The following DNAH2 variants were observed in gnomAD, a reference collection of about 807,000 sequenced individuals.
DNAH2 encodes the protein dynein axonemal heavy chain 2.
DNAH2 carries 323 observed loss-of-function variants against 523.5 expected under a neutral mutation model. The observed-to-expected ratio is 0.62, with a 90% CI of 0.56 to 0.68. The LOEUF is 0.68. Ranked by LOEUF, DNAH2 falls within the 30% of genes least tolerant of loss-of-function variation. The pLI is 0.00. For missense variants in DNAH2, 4,907 were observed against 5,701.5 expected (o/e 0.86, Z 4.49); for synonymous variants, 2,093 against 2,177.4 (o/e 0.96, Z 1.08).
rs756049766 is a variant in DNAH2, at chr17:7,780,764, G to A, written c.5985G>A (p.Pro1995=). The A allele has an allele frequency of 1.4e-5, 22 of 1,614,226 alleles. No homozygotes were observed. Among genetic ancestry groups the A allele is most frequent in the Admixed American group, 5.0e-5 (3 of 60,020 alleles). ...RYAGKKRRLQ[P]DLTDEEVLLL... ...CTGGCAAGAAGCGCCGCCTACAGCCGGATCTGACTGATGAAGAGGTAGAGC... is the reference window on the plus strand; with the variant it reads ...CTGGCAAGAAGCGCCGCCTACAGCCAGATCTGACTGATGAAGAGGTAGAGC... The change falls in exon 38 of 86, where the codon CCG becomes CCA. Residue 1995 remains proline (P), a synonymous_variant. Coordinates refer to ENST00000572933, the MANE Select transcript of DNAH2 (RefSeq NM_020877.5). This position sits in a 1 kb window ranked among gnomAD's most constrained non-coding sequence, Gnocchi z 4.4.
Position 7,777,779 on chromosome 17 carries a change from C to G in DNAH2, c.5247+145C>G, listed in dbSNP as rs2076497015. ...CCTAATCCGGTTCTTCCTTCCATCT[C>G]CTCCCCACAATCAGGAGTGGCAAGT... On this transcript the variant is annotated intron_variant, in intron 33 of 85. Transcript: ENST00000572933. 5.7e-6 allele frequency: 6 copies of G among 1,061,916 alleles called. No homozygotes were observed. The South Asian group carries it at 9.1e-5, about 16-fold the overall frequency. The allele number at this position is 1,061,916 out of a possible 1,614,324, so 65.8% of individuals were successfully genotyped here. A position where few individuals can be genotyped will look rare whatever the true frequency, so the allele number is the denominator to read the frequency against.
At chr17:7,794,126 C>G in intron 48 of DNAH2, 128 bp from the exon 49 acceptor site, 1 of 564,010 alleles carries the variant, frequency 1.8e-6, no homozygotes, top group Non-Finnish European at 3.0e-6. Flanking sequence ...TCGCTGCATC[C>G]CGGTTCCTCT....
Position 7,805,086 on chromosome 17 carries a change from G to C in DNAH2, c.9300+12G>C, listed in dbSNP as rs184137067. 6.2e-7 allele frequency: 1 copy of C among 1,611,666 alleles called. No individual in the cohort carries two copies. The highest frequency in any genetic ancestry group is 1.3e-5 in the African/African-American group (1 of 74,864). ...AAGAGGCCATGCGGGTACCAGGGGC[G>C]GGTGCAAGGATGGGAGCCAGGAACG... is the stretch of plus-strand genomic sequence containing the variant. On this transcript the variant is annotated intron_variant, in intron 60 of 85. Coordinates refer to ENST00000572933, the MANE Select transcript of DNAH2 (RefSeq NM_020877.5).
At chr17:7,823,404 C>A in intron 73 of DNAH2, 38 bp from the exon 74 acceptor site, 1 of 1,577,628 alleles carries the variant, frequency 6.3e-7, no homozygotes. Flanking sequence ...TGAAGTATTC[C>A]CAAGTCAATC....
chr17:7,830,184 C>T lies in DNAH2; in HGVS notation c.11854-116C>T, dbSNP rs981007204. The T allele has an allele frequency of 1.2e-5, 13 of 1,112,044 alleles. No individual in the cohort carries two copies. In the African/African-American group the frequency reaches 2.0e-4, roughly 17 times the overall value. 68.9% of individuals were successfully genotyped at this position (1,112,044 alleles called of 1,614,324 possible). On this transcript the variant is annotated intron_variant, in intron 77 of 85. Coordinates refer to ENST00000572933, the MANE Select transcript of DNAH2 (RefSeq NM_020877.5). ...ACGGCTACATTTCAGCCTCCACTCA[C>T]CCTTTCAGCCAGTGCCTTTGTGCAA...
At chr17:7,726,372 C>T (rs894416670) in intron 3 of DNAH2, among the ~76,000 whole-genome samples, 1 of 150,382 alleles carries the variant, frequency 6.6e-6, no homozygotes, top group Non-Finnish European at 1.5e-5. Flanking sequence ...GGTGTGATCT[C>T]GGCTCACTGC....
Position 7,766,375 on chromosome 17 carries a change from G to A in DNAH2, c.3569G>A (p.Arg1190Gln), listed in dbSNP as rs771921614. Residue 1190 changes from arginine to glutamine, a missense_variant, in exon 22 of 86, where the codon CGG (arginine) becomes CAG (glutamine). Around this residue, in one of 3 missense-constraint regions of DNAH2, gnomAD observed 2,806 missense variants for 3,190.8 expected, o/e 0.88. Coordinates refer to ENST00000572933, the MANE Select transcript of DNAH2 (RefSeq NM_020877.5). The stretch of plus-strand genomic sequence containing the variant: ...GCCTTAGACCAGATTACACAAGTGC[G>A]GGCCATGCTGATGGCCATGCGGGAA... Reference protein sequence around the residue: ...MSALDQITQVRAMLMAMREEE... With the variant: ...MSALDQITQVQAMLMAMREEE... 8 of 1,613,916 alleles carry A rather than the reference G, an allele frequency of 5.0e-6. No homozygotes were observed. Among genetic ancestry groups the A allele is most frequent in the Middle Eastern group, 1.6e-4 (1 of 6,084 alleles).
intron 11 of DNAH2, among the ~76,000 whole-genome samples, chr17:7,742,257 C>G (rs1240270771): frequency 1.3e-5 from 2 of 151,960 alleles, no homozygotes; most frequent in African/African-American, 4.8e-5. Flanking sequence ...TGGTGAGACC[C>G]TGTCTCTACT....
At chr17:7,741,232 C>CTTTCTTTCTTTCTT (rs1555540599) in intron 11 of DNAH2, among the ~76,000 whole-genome samples, 2 of 119,346 alleles carry the variant, frequency 1.7e-5, no homozygotes, top group Admixed American at 8.5e-5. Context: ...TTTTTTTTCT[C>CTTTCTTTCTTTCTT]TCTCTCTTTC....
In DNAH2 at chr17:7,780,236, C is replaced by T. The variant is rs368028713; in HGVS notation, c.5802C>T (p.Thr1934=). ...RPIAMVVPDS[T]LIAEIILFGE... ...TTGCCATGGTGGTGCCTGACTCCAC[C>T]CTCATTGCAGAAATCATTCTCTTTG... is the stretch of plus-strand genomic sequence containing the variant. The change falls in exon 37 of 86, where the codon ACC becomes ACT. Residue 1934 remains threonine, a synonymous_variant. Coordinates refer to ENST00000572933, the MANE Select transcript of DNAH2 (RefSeq NM_020877.5). This position sits in a 1 kb window ranked among gnomAD's most constrained non-coding sequence, Gnocchi z 4.4. The T allele has an allele frequency of 3.8e-5, 62 of 1,614,024 alleles. No homozygotes were observed. The African/African-American group carries it at 7.3e-4, about 19-fold the overall frequency.
In DNAH2 at chr17:7,719,032, T is replaced by A. The variant is rs2074508463; in HGVS notation, c.-15+233T>A. On this transcript the variant is annotated intron_variant, in intron 1 of 85. Transcript: ENST00000572933. ...GGATGAGGGTTTGGGCAACCACACT[T>A]CAGCTTGATAGATCTTTTCCTGATT... Among the ~76,000 whole-genome samples, 3 of 152,014 alleles carry A rather than the reference T, an allele frequency of 2.0e-5. No individual in the cohort carries two copies. In the South Asian group the frequency reaches 6.2e-4, roughly 32 times the overall value.
At chr17:7,799,537 C>T (rs2077164380) in intron 56 of DNAH2, among the ~76,000 whole-genome samples, 1 of 152,130 alleles carries the variant, frequency 6.6e-6, no homozygotes, top group Admixed American at 6.5e-5. Context: ...CACACACAGG[C>T]CGGGCATAGT....
chr17:7,726,088 C>A (rs1465103377), intron 3 of DNAH2, among the ~76,000 whole-genome samples: 1 of 152,090 alleles, frequency 6.6e-6, no homozygotes, highest in African/African-American at 2.4e-5. Context: ...TCACTGCAAC[C>A]TCTGCCTCCC....
chr17:7,793,959 C>T (rs1259287536), intron 48 of DNAH2, among the ~76,000 whole-genome samples: 4 of 151,892 alleles, frequency 2.6e-5, no homozygotes, highest in African/African-American at 9.7e-5. Flanking sequence ...GTCTAGAAGA[C>T]ACAAATGTTT....
intron 30 of DNAH2, 64 bp from the exon 31 acceptor site, chr17:7,775,960 C>A: frequency 6.3e-7 from 1 of 1,596,512 alleles, no homozygotes; most frequent in South Asian, 1.1e-5. Context: ...AAGTGCCTTC[C>A]CTGTGGAGGA....
In DNAH2 at chr17:7,823,547, C is replaced by G; in HGVS notation, c.11248C>G (p.Leu3750Val). The G allele has an allele frequency of 6.2e-7, 1 of 1,614,196 alleles. No individual in the cohort carries two copies. Among genetic ancestry groups the G allele is most frequent in the South Asian group, 1.1e-5 (1 of 91,080 alleles). Residue 3750 changes from leucine to valine, a missense_variant, in exon 74 of 86, where the codon CTC becomes GTC. Physicochemically the swap from Leu to Val is conservative, Grantham distance 32. Transcript: ENST00000572933. Reference protein sequence around the residue: ...ELDKLTNFHGLMNSFEQYPRD... With the variant: ...ELDKLTNFHGVMNSFEQYPRD... Reference sequence around the variant, plus strand: ...AGACAAACTGACCAACTTCCACGGACTCATGAACTCCTTTGAGCAGTACCC... The same window carrying G: ...AGACAAACTGACCAACTTCCACGGAGTCATGAACTCCTTTGAGCAGTACCC...
intron 18 of DNAH2, among the ~76,000 whole-genome samples, chr17:7,763,061 C>T (rs796831565): frequency 2.1e-4 from 32 of 151,868 alleles, no homozygotes; most frequent in Admixed American, 1.6e-3. Context: ...CTGCAGCCTC[C>T]GCCTCCCGGG....
At chr17:7,736,914 G>A (rs1288184402) in intron 7 of DNAH2, among the ~76,000 whole-genome samples, 153 bp from the exon 8 acceptor site, 3 of 152,148 alleles carry the variant, frequency 2.0e-5, no homozygotes, top group Admixed American at 6.5e-5. Context: ...CCTGGCAGGC[G>A]GAGGTTGCAG....
chr17:7,812,767 CAAAAAAAAAAAA>C (rs59534940), intron 63 of DNAH2, among the ~76,000 whole-genome samples: 1 of 23,820 alleles, frequency 4.2e-5, no homozygotes, highest in Admixed American at 7.2e-4. Context: ...CTAAAAATAC[CAAAAAAAAAAAA>C]AAAAAAAAAA....
Sources: gnomAD v4.1 joint callset for allele counts (sites outside exome capture counted in the v4.1 genomes callset) on GRCh38, gnomAD v4.1.1 for gene constraint, gnomAD v4.1.1 regional missense constraint, Gnocchi (gnomAD v3.1) non-coding constraint, MANE v1.5 for transcripts, NCBI Gene and HGNC (gene_info 2026-07-23, HGNC 2026-07-21) for gene names.